NIBAN1: variants seen among roughly 807,000 people sequenced by gnomAD.
NIBAN1 encodes the protein niban apoptosis regulator 1, also known as protein Niban 1.
A neutral mutation model predicts 75.1 loss-of-function variants in NIBAN1; 81 were observed. The ratio of observed to expected loss-of-function variants is 1.08; its 90% CI spans 0.90 to 1.30. The LOEUF (loss-of-function observed/expected upper bound fraction) is 1.30, where lower values mean the gene tolerates loss of function less well. NIBAN1 is among the 50% of genes most tolerant of loss of function. The pLI is 0.00. For synonymous variants in NIBAN1, 436 were observed against 424.8 expected, an observed-to-expected ratio of 1.03 and a Z score of -0.32; for missense variants, 1,133 against 1,128.1, an observed-to-expected ratio of 1.00 and a Z score of -0.06.
At chr1:184,910,017 G>T (rs1048842334) in intron 1 of NIBAN1, among the ~76,000 whole-genome samples, 1 of 152,124 alleles carries the variant, frequency 6.6e-6, no homozygotes, top group Non-Finnish European at 1.5e-5. Context: ...TATGTAGATA[G>T]TACATTCTTT....
intron 2 of NIBAN1, among the ~76,000 whole-genome samples, chr1:184,894,846 A>G (rs1656759017): frequency 6.6e-6 from 1 of 152,214 alleles, no homozygotes; most frequent in Non-Finnish European, 1.5e-5. Context: ...GTGGTGATAT[A>G]TGTGCTGTGC....
At chr1:184,810,260 T>G (rs338572) in intron 9 of NIBAN1, among the ~76,000 whole-genome samples, 127,615 of 152,232 alleles carry the variant, frequency 0.84, 54,099 homozygotes, top group African/African-American at 0.96. Flanking sequence ...TTATATCTTT[T>G]TCAGTGATTC....
chr1:184,938,480 A>C (rs1379497740), intron 1 of NIBAN1, among the ~76,000 whole-genome samples: 1 of 147,854 alleles, frequency 6.8e-6, no homozygotes, highest in African/African-American at 2.5e-5. Context: ...CCTTCCTTTC[A>C]TCTTTCTTTT....
rs968704606 is a variant in NIBAN1 at position 184,884,285 on chromosome 1, G to A, written c.601+348C>T. On this transcript the variant is annotated intron_variant, in intron 5 of 13. Transcript: ENST00000367511. Reference sequence around the variant, plus strand: ...GTCATCTGGGCTGGAGTGCAGTGGCGCGATCTCGGCTCACCACAGCCTCTG... The same window carrying A: ...GTCATCTGGGCTGGAGTGCAGTGGCACGATCTCGGCTCACCACAGCCTCTG... Among the ~76,000 whole-genome samples the A allele has an allele frequency of 4.2e-4, 60 of 142,858 alleles. 1 individual carries two copies. The highest frequency in any genetic ancestry group is 6.5e-4 in the Non-Finnish European group (43 of 66,506). The allele number at this position is 142,858 out of a possible 152,430, so 93.7% of individuals were successfully genotyped here.
intron 1 of NIBAN1, among the ~76,000 whole-genome samples, chr1:184,921,910 A>G (rs1443170871): frequency 6.6e-6 from 1 of 152,196 alleles, no homozygotes; most frequent in Non-Finnish European, 1.5e-5. Flanking sequence ...TAATAATATC[A>G]ATAATACCAA....
At chr1:184,945,564 G>A (rs1658200153) in intron 1 of NIBAN1, among the ~76,000 whole-genome samples, 2 of 152,266 alleles carry the variant, frequency 1.3e-5, no homozygotes, top group African/African-American at 4.8e-5. Flanking sequence ...TTTAAAAAAA[G>A]ACCTTAGCCC....
intron 1 of NIBAN1, among the ~76,000 whole-genome samples, chr1:184,903,658 C>T (rs1217144415): frequency 6.6e-6 from 1 of 151,910 alleles, no homozygotes; most frequent in Non-Finnish European, 1.5e-5. Context: ...CTTCCTGAGG[C>T]CCTCACCAGA....
chr1:184,939,389 C>T (rs1658035880), intron 1 of NIBAN1, among the ~76,000 whole-genome samples: 1 of 152,200 alleles, frequency 6.6e-6, no homozygotes, highest in South Asian at 2.1e-4. Flanking sequence ...TCCCCTATTC[C>T]TACTGTCCCC....
intron 5 of NIBAN1, among the ~76,000 whole-genome samples, chr1:184,868,740 T>A (rs201741963): frequency 0.028 from 4,281 of 150,782 alleles, 123 homozygotes; most frequent in East Asian, 0.12. Context: ...AGATTTTTTT[T>A]AAAAATATCA....
intron 3 of NIBAN1, among the ~76,000 whole-genome samples, chr1:184,891,086 A>C (rs1656655592): frequency 6.6e-6 from 1 of 152,238 alleles, no homozygotes; most frequent in African/African-American, 2.4e-5. Flanking sequence ...CAACATAATC[A>C]GAGTAACGAT....
chr1:184,884,648 T>C lies in NIBAN1; in HGVS notation c.586A>G (p.Arg196Gly). ...CGCGCCATACCATGATTGAGATGCC[T>C]GACGCAGTCACTCAGGAGGGCACTA... Reference protein sequence around the residue: ...RFSALLSDCVRHLNHDYMKQM... With the variant: ...RFSALLSDCVGHLNHDYMKQM... Residue 196 changes from arginine to glycine, a missense_variant, in exon 5 of 14, where the codon AGG becomes GGG. Physicochemically the swap from Arg to Gly is moderately radical, Grantham distance 125 (BLOSUM62 -2). Transcript: ENST00000367511. The C allele has an allele frequency of 6.2e-7, 1 of 1,614,096 alleles. No homozygotes were observed. Among genetic ancestry groups the C allele is most frequent in the Non-Finnish European group, 8.5e-7 (1 of 1,179,988 alleles).
intron 5 of NIBAN1, among the ~76,000 whole-genome samples, chr1:184,857,902 C>T (rs1655719878): frequency 6.6e-6 from 1 of 151,672 alleles, no homozygotes; most frequent in African/African-American, 2.4e-5. Flanking sequence ...AACATGATTT[C>T]CACACAGACT....
At position 184,823,121 on chromosome 1, in the gene NIBAN1, T is replaced by C. The variant is rs758122935; in HGVS notation, c.985+46A>G. ...TCCTGCTATGTGGTGGATCCCTGCATGTACAGCTTATTTAATTAGTAAGAG... is the reference window on the plus strand; with the variant it reads ...TCCTGCTATGTGGTGGATCCCTGCACGTACAGCTTATTTAATTAGTAAGAG... On this transcript the variant is annotated intron_variant, in intron 8 of 13. Transcript: ENST00000367511. 2.5e-6 allele frequency: 4 copies of C among 1,596,948 alleles called. No homozygotes were observed. The South Asian group carries it at 4.5e-5, about 18-fold the overall frequency.
intron 5 of NIBAN1, among the ~76,000 whole-genome samples, chr1:184,845,358 T>C (rs1419483714): frequency 6.6e-6 from 1 of 152,240 alleles, no homozygotes; most frequent in Admixed American, 6.5e-5. Flanking sequence ...GATTACTGAA[T>C]GGAATATTAT....
intron 10 of NIBAN1, 198 bp downstream of exon 10, chr1:184,807,876 G>T (rs1400816779): frequency 1.7e-6 from 1 of 603,312 alleles, no homozygotes; most frequent in Non-Finnish European, 3.0e-6. Context: ...TCTGAGCTAT[G>T]TCTTGTCTAT....
rs1010904597 is a variant in NIBAN1, at chr1:184,795,981, C to T, written c.1783G>A (p.Ala595Thr). The change falls in exon 14 of 14, where the codon GCC (alanine) becomes ACC (threonine). Residue 595 changes from alanine (A) to threonine (T), a missense_variant. Physicochemically the swap from Ala to Thr is moderately conservative, Grantham distance 58 (BLOSUM62 0). Transcript: ENST00000367511. ...DLKPPTGSNQASPARRASAIL... is the reference protein window; with the variant it reads ...DLKPPTGSNQTSPARRASAIL... ...GCAGAAGCTCTCCTGGCAGGGCTGG[C>T]CTGGTTTGACCCTGTGGGGGGCTTT... 44 of 1,613,906 alleles carry T rather than the reference C, an allele frequency of 2.7e-5. No homozygotes were observed. The highest frequency in any genetic ancestry group is 3.7e-5 in the Non-Finnish European group (44 of 1,180,022).
intron 2 of NIBAN1, among the ~76,000 whole-genome samples, chr1:184,896,308 G>A (rs1656800320): frequency 6.6e-6 from 1 of 152,060 alleles, no homozygotes; most frequent in Non-Finnish European, 1.5e-5. Context: ...CTGATGATTG[G>A]TGATATTGAG....
At chr1:184,928,309 G>A (rs1014473709) in intron 1 of NIBAN1, among the ~76,000 whole-genome samples, 2 of 152,136 alleles carry the variant, frequency 1.3e-5, no homozygotes, top group Admixed American at 6.5e-5. Flanking sequence ...GCAGCCTGGG[G>A]TTAGGGGAAT....
chr1:184,914,630 A>T (rs1404094925), intron 1 of NIBAN1, among the ~76,000 whole-genome samples: 2 of 152,198 alleles, frequency 1.3e-5, no homozygotes, highest in African/African-American at 4.8e-5. Flanking sequence ...TATGGGATAC[A>T]TATGGGTAGT....
Sources: allele counts gnomAD v4.1 joint callset (sites outside exome capture counted in the v4.1 genomes callset), GRCh38; gene constraint gnomAD v4.1.1; transcripts MANE v1.5; gene names NCBI Gene and HGNC (gene_info 2026-07-23, HGNC 2026-07-21).